The following AP4E1 variants were observed in gnomAD, a reference collection of about 807,000 sequenced individuals.
The protein encoded by AP4E1 is AP-4 complex subunit epsilon-1.
AP4E1 carries 56 observed loss-of-function variants against 128.2 expected under a neutral mutation model. The ratio of observed to expected loss-of-function variants is 0.44; its 90% CI spans 0.35 to 0.55. The LOEUF (loss-of-function observed/expected upper bound fraction) is 0.55, where lower values mean the gene tolerates loss of function less well. AP4E1 is among the 20% of genes least tolerant of loss of function. AP4E1 has a pLI of 0.00. For synonymous variants in AP4E1, 484 were observed against 473.1 expected, an observed-to-expected ratio of 1.02 and a Z score of -0.30; for missense variants, 1,324 against 1,307.7, an observed-to-expected ratio of 1.01 and a Z score of -0.19.
chr15:50,929,058 A>T lies in AP4E1; in HGVS notation c.592A>T (p.Ile198Phe), dbSNP rs1329931708. ...AVLALYKFHL[I>F]APNQVQHIHI... is the part of the protein sequence containing the mutation. ...TCTGGCATTATACAAATTCCATCTC[A>T]TTGCTCCTAATCAAGTACAACATAT... Residue 198 changes from isoleucine (I) to phenylalanine (F), a missense_variant, in exon 6 of 21, where the codon ATT becomes TTT. Physicochemically the swap from Ile to Phe is conservative, Grantham distance 21. Coordinates refer to ENST00000261842, the MANE Select transcript of AP4E1 (RefSeq NM_007347.5). The T allele has an allele frequency of 6.2e-7, 1 of 1,613,712 alleles. No homozygotes were observed. The highest frequency in any genetic ancestry group is 1.1e-5 in the South Asian group (1 of 91,082).
intron 14 of AP4E1, among the ~76,000 whole-genome samples, chr15:50,964,021 G>A (rs779094779): frequency 6.6e-6 from 1 of 152,202 alleles, no homozygotes; most frequent in Non-Finnish European, 1.5e-5. Flanking sequence ...GGCGCTTTGA[G>A]CTTCCTGCAT....
At chr15:50,984,710 A>T (rs1208235054) in intron 16 of AP4E1, among the ~76,000 whole-genome samples, 9 of 152,018 alleles carry the variant, frequency 5.9e-5, no homozygotes, top group Admixed American at 3.3e-4. Flanking sequence ...TCTATCATTG[A>T]TGGACATTTG....
chr15:50,958,833 G>C, intron 14 of AP4E1, 39 bp downstream of exon 14: 3 of 1,590,240 alleles, frequency 1.9e-6, no homozygotes, highest in Middle Eastern at 1.7e-4. Context: ...AAATTGCGTT[G>C]TCATTAAACA....
intron 15 of AP4E1, among the ~76,000 whole-genome samples, chr15:50,979,418 C>G (rs1456870577): frequency 6.6e-6 from 1 of 152,228 alleles, no homozygotes; most frequent in Non-Finnish European, 1.5e-5. Flanking sequence ...CTCATACTCT[C>G]TTGCCCTTCT....
chr15:50,996,581 G>A (rs2064877814), intron 17 of AP4E1, among the ~76,000 whole-genome samples: 1 of 152,102 alleles, frequency 6.6e-6, no homozygotes, highest in South Asian at 2.1e-4. Context: ...ATGCTGTGTA[G>A]TGTCAAAGCC....
intron 12 of AP4E1, 43 bp downstream of exon 12, chr15:50,949,981 T>C (rs1567230730): frequency 5.7e-6 from 9 of 1,588,224 alleles, no homozygotes; most frequent in Non-Finnish European, 7.8e-6. Context: ...ATTTTAAAGT[T>C]TAATGTTTTT....
At chr15:50,945,286 C>T in intron 10 of AP4E1, 2 of 782,268 alleles carry the variant, frequency 2.6e-6, no homozygotes, top group Non-Finnish European at 4.8e-6. Context: ...CCAATCGAGA[C>T]ATTTCTCTTG....
intron 4 of AP4E1, 50 bp downstream of exon 4, chr15:50,924,054 CTGA>C (rs1330377482): frequency 1.4e-6 from 2 of 1,435,646 alleles, no homozygotes; most frequent in East Asian, 4.6e-5. Flanking sequence ...TTGTCAGCAC[CTGA>C]TATTTCTCCT....
At position 51,005,699 on chromosome 15, in the gene AP4E1, A is replaced by G. The variant is rs1051993727; in HGVS notation, c.*3037A>G. On this transcript the variant is annotated 3_prime_UTR_variant, in exon 21 of 21. Transcript: ENST00000261842. Reference sequence around the variant, plus strand: ...TTATATTTTTATGGATAAATGTAGTATTTGCCTCATGATTGTGAGCCACTG... The same window carrying G: ...TTATATTTTTATGGATAAATGTAGTGTTTGCCTCATGATTGTGAGCCACTG... 34 of 152,614 alleles carry G rather than the reference A, an allele frequency of 2.2e-4. No homozygotes were observed. The highest frequency in any genetic ancestry group is 1.8e-3 in the Admixed American group (28 of 15,282). 9.5% of individuals were successfully genotyped at this position (152,614 alleles called of 1,614,324 possible). A position where few individuals can be genotyped will look rare whatever the true frequency, so the allele number is the denominator to read the frequency against.
At chr15:50,950,383 C>A (rs1412958921) in intron 13 of AP4E1, among the ~76,000 whole-genome samples, 1 of 152,078 alleles carries the variant, frequency 6.6e-6, no homozygotes, top group Non-Finnish European at 1.5e-5. Context: ...ATTTACTTGT[C>A]TCTTTGTGTT....
At chr15:50,957,671 CTTTTTTTTTTTT>C (rs61656848) in intron 13 of AP4E1, among the ~76,000 whole-genome samples, 2 of 88,006 alleles carry the variant, frequency 2.3e-5, no homozygotes, top group Non-Finnish European at 4.3e-5. Context: ...ACAAGCGTTT[CTTTTTTTTTTTT>C]TTTTTTTTTT....
At chr15:50,984,785 T>A (rs535244666) in intron 16 of AP4E1, among the ~76,000 whole-genome samples, 101 of 152,312 alleles carry the variant, frequency 6.6e-4, no homozygotes, top group African/African-American at 2.4e-3. Flanking sequence ...CATGTGTCTT[T>A]ATAGCAGCAT....
intron 18 of AP4E1, among the ~76,000 whole-genome samples, chr15:50,998,668 C>T (rs1261179964): frequency 1.3e-5 from 2 of 151,940 alleles, no homozygotes; most frequent in East Asian, 1.9e-4. Flanking sequence ...AAAAAACAGA[C>T]CAAACCCTTC....
rs1427516846 is a variant in AP4E1 at position 51,005,229 on chromosome 15, A to G, written c.*2567A>G. The G allele has an allele frequency of 1.3e-5, 2 of 152,276 alleles. No homozygotes were observed. The highest frequency in any genetic ancestry group is 4.8e-5 in the African/African-American group (2 of 41,454). The allele number at this position is 152,276 out of a possible 1,614,324, so 9.4% of individuals were successfully genotyped here. On this transcript the variant is annotated 3_prime_UTR_variant, in exon 21 of 21. Coordinates refer to ENST00000261842, the MANE Select transcript of AP4E1 (RefSeq NM_007347.5). ...GATTCATTCTCTTTACCTAATAGTC[A>G]TAATTTAGTCAGTGAAGGGACAACA... is the stretch of plus-strand genomic sequence containing the variant.
chr15:50,915,415 A>G (rs2141131285), intron 2 of AP4E1, 33 bp from the exon 3 acceptor site: 3 of 1,599,910 alleles, frequency 1.9e-6, no homozygotes, highest in Non-Finnish European at 2.6e-6. Flanking sequence ...TATTCTGTTT[A>G]TTTATACAGC....
At chr15:50,993,779 T>C (rs2064834834) in intron 17 of AP4E1, among the ~76,000 whole-genome samples, 154 bp downstream of exon 17, 2 of 152,210 alleles carry the variant, frequency 1.3e-5, no homozygotes, top group African/African-American at 2.4e-5. Flanking sequence ...CCAGAACCAC[T>C]AATGACACAG....
chr15:50,953,679 G>A (rs1596480801), intron 13 of AP4E1, among the ~76,000 whole-genome samples: 1 of 152,198 alleles, frequency 6.6e-6, no homozygotes, highest in Non-Finnish European at 1.5e-5. Flanking sequence ...CAAGAGTTGC[G>A]ATGCTGGCAA....
At chr15:50,939,941 A>G (rs2063960604) in intron 8 of AP4E1, among the ~76,000 whole-genome samples, 1 of 152,186 alleles carries the variant, frequency 6.6e-6, no homozygotes, top group Non-Finnish European at 1.5e-5. Context: ...TTTCTGTCGC[A>G]TATTCTCCTT....
At chr15:50,945,597 C>G in intron 10 of AP4E1, 2 of 749,738 alleles carry the variant, frequency 2.7e-6, no homozygotes, top group Admixed American at 2.0e-5. Flanking sequence ...TTCCTATAGA[C>G]AAAAGTTGAA....
Sources: allele counts gnomAD v4.1 joint callset (sites outside exome capture counted in the v4.1 genomes callset), GRCh38; gene constraint gnomAD v4.1.1; transcripts MANE v1.5; gene names NCBI Gene and HGNC (gene_info 2026-07-23, HGNC 2026-07-21).